TOX: variants seen among roughly 807,000 people sequenced by gnomAD.
The protein encoded by TOX is thymocyte selection-associated high mobility group box protein TOX.
Under a neutral mutation model 53.7 loss-of-function variants are expected in TOX, and 11 were observed. The observed-to-expected ratio is 0.20, with a 90% CI of 0.13 to 0.34. The LOEUF is 0.34. Among genes scored for constraint, TOX ranks in the 10% least tolerant of loss-of-function variants. The pLI is 1.00. For missense variants in TOX, 570 were observed against 664.6 expected, an observed-to-expected ratio of 0.86 and a Z score of 1.56; for synonymous variants, 225 against 245.3, an observed-to-expected ratio of 0.92 and a Z score of 0.77.
chr8:58,853,118 C>T (rs918062146), intron 3 of TOX, among the ~76,000 whole-genome samples: 1 of 152,160 alleles, frequency 6.6e-6, no homozygotes, highest in Non-Finnish European at 1.5e-5. Flanking sequence ...CTCCGGAACG[C>T]ATTTACTGCC....
rs201625696 is a variant in TOX, at chr8:59,092,265, T to TTATATATATA, written c.102+26611_102+26620dup. Among the ~76,000 whole-genome samples, 152 of 89,898 alleles carry TTATATATATA rather than the reference T, an allele frequency of 1.7e-3. 6 individuals are homozygous for TTATATATATA. Among genetic ancestry groups the TTATATATATA allele is most frequent in the East Asian group, 0.013 (49 of 3,754 alleles). The allele number at this position is 89,898 out of a possible 152,430, so 59.0% of individuals were successfully genotyped here. A position where few individuals can be genotyped will look rare whatever the true frequency, so the allele number is the denominator to read the frequency against. On this transcript the variant is annotated intron_variant, in intron 1 of 8. Transcript: ENST00000361421. ...AGACTCCATCTCATATATATATATT[T>TTATATATATA]TATATATATATATATATTATATATA... is the stretch of plus-strand genomic sequence containing the variant.
At chr8:58,859,047 C>T (rs1008353676) in intron 3 of TOX, among the ~76,000 whole-genome samples, 19 of 152,060 alleles carry the variant, frequency 1.2e-4, no homozygotes, top group African/African-American at 4.1e-4. Flanking sequence ...TATTATTTTC[C>T]TAAATGCATT....
chr8:58,913,524 C>G (rs1039867854), intron 3 of TOX, among the ~76,000 whole-genome samples: 1 of 152,130 alleles, frequency 6.6e-6, no homozygotes, highest in Non-Finnish European at 1.5e-5. Context: ...TGCTTGTTTT[C>G]CATTTTCTCT....
chr8:59,042,962 T>C (rs1392648016), intron 1 of TOX, among the ~76,000 whole-genome samples: 5 of 152,174 alleles, frequency 3.3e-5, no homozygotes, highest in African/African-American at 1.2e-4. Context: ...TTAAATGTAT[T>C]CTCAACAATT....
chr8:58,959,662 A>G (rs1259611472), intron 2 of TOX, among the ~76,000 whole-genome samples: 1 of 152,204 alleles, frequency 6.6e-6, no homozygotes, highest in Non-Finnish European at 1.5e-5. Flanking sequence ...TAAAGACTTT[A>G]TTTCCTAAAG....
chr8:58,920,973 C>A (rs1284338959), intron 3 of TOX, among the ~76,000 whole-genome samples: 2 of 152,096 alleles, frequency 1.3e-5, no homozygotes, highest in Admixed American at 6.5e-5. Context: ...AAATATGCAT[C>A]TATGACTCAT....
intron 3 of TOX, among the ~76,000 whole-genome samples, chr8:58,906,369 C>T (rs1022192751): frequency 1.3e-5 from 2 of 152,240 alleles, no homozygotes; most frequent in African/African-American, 4.8e-5. Context: ...AATAACATTT[C>T]TGCAAATAGA....
Position 58,912,974 on chromosome 8 carries a change from A to G in TOX, c.411+26328T>C, listed in dbSNP as rs548173521. Among the ~76,000 whole-genome samples, 6 of 152,288 alleles carry G rather than the reference A, an allele frequency of 3.9e-5. No homozygotes were observed. The South Asian group carries it at 1.2e-3, about 32-fold the overall frequency. ...TCATGTCTCCTTTGATTGATGACAA[A>G]TTTTCCACTGTCCTTACTAACAAAT... On this transcript the variant is annotated intron_variant, in intron 3 of 8. Coordinates refer to ENST00000361421, the MANE Select transcript of TOX (RefSeq NM_014729.3).
At chr8:58,942,448 A>C (rs191210327) in intron 2 of TOX, among the ~76,000 whole-genome samples, 372 of 152,280 alleles carry the variant, frequency 2.4e-3, no homozygotes, top group Non-Finnish European at 1.8e-3. Flanking sequence ...TTAACTACTA[A>C]GGTTACTTAG....
At position 58,815,299 on chromosome 8, in the gene TOX, T is replaced by A. The variant is rs746812674; in HGVS notation, c.1392+39A>T. The A allele has an allele frequency of 8.4e-6, 13 of 1,541,926 alleles. No homozygotes were observed. In the South Asian group the frequency reaches 1.6e-4, roughly 20 times the overall value. Reference sequence around the variant, plus strand: ...CCACCTCCACCACCACACTTCAGAATAGGGGTGCACACTCTAAGTCCAGAG... The same window carrying A: ...CCACCTCCACCACCACACTTCAGAAAAGGGGTGCACACTCTAAGTCCAGAG... On this transcript the variant is annotated intron_variant, in intron 7 of 8. Transcript: ENST00000361421.
At chr8:59,113,499 T>A (rs1805054244) in intron 1 of TOX, among the ~76,000 whole-genome samples, 1 of 151,828 alleles carries the variant, frequency 6.6e-6, no homozygotes, top group Admixed American at 6.6e-5. Context: ...AGATTCCAAA[T>A]AGAAAATGGA....
chr8:58,876,899 C>T (rs1217627058), intron 3 of TOX, among the ~76,000 whole-genome samples: 1 of 152,174 alleles, frequency 6.6e-6, no homozygotes. Context: ...TACTTTCAGA[C>T]ATTCTGAGAA....
intron 3 of TOX, among the ~76,000 whole-genome samples, chr8:58,927,832 C>T (rs775259072): frequency 5.3e-5 from 8 of 152,076 alleles, no homozygotes; most frequent in East Asian, 1.9e-4. Flanking sequence ...ACCACCAGCA[C>T]GAAAACTGAG....
chr8:58,897,991 C>G (rs575010986), intron 3 of TOX, among the ~76,000 whole-genome samples: 1 of 152,056 alleles, frequency 6.6e-6, no homozygotes, highest in African/African-American at 2.4e-5. Flanking sequence ...TAATTGGGTT[C>G]TAAACTATAG....
At chr8:59,046,346 C>A (rs761638203) in intron 1 of TOX, among the ~76,000 whole-genome samples, 15 of 152,174 alleles carry the variant, frequency 9.9e-5, no homozygotes, top group Middle Eastern at 3.4e-3. Context: ...ATTTAAAAAT[C>A]CCTGTTATTC....
chr8:58,966,548 C>T lies in TOX; in HGVS notation c.103-6540G>A, dbSNP rs1450735082. Among the ~76,000 whole-genome samples the T allele has an allele frequency of 3.9e-5, 6 of 152,054 alleles. No homozygotes were observed. The East Asian group carries it at 7.7e-4, about 20-fold the overall frequency. On this transcript the variant is annotated intron_variant, in intron 1 of 8. Coordinates refer to ENST00000361421, the MANE Select transcript of TOX (RefSeq NM_014729.3). Reference sequence around the variant, plus strand: ...CTTGGAAGACTTGGCCACGGGTGGGCAAAAGATAGTGCTAGACCCACAACT... The same window carrying T: ...CTTGGAAGACTTGGCCACGGGTGGGTAAAAGATAGTGCTAGACCCACAACT...
intron 3 of TOX, among the ~76,000 whole-genome samples, chr8:58,909,276 G>C (rs1400435784): frequency 6.6e-6 from 1 of 152,088 alleles, no homozygotes; most frequent in Non-Finnish European, 1.5e-5. Context: ...GGGTTGATAG[G>C]TGCAGCAAAC....
At chr8:58,858,051 T>C (rs1174096769) in intron 3 of TOX, among the ~76,000 whole-genome samples, 10 of 152,198 alleles carry the variant, frequency 6.6e-5, no homozygotes, top group Non-Finnish European at 2.9e-5. Flanking sequence ...ATTACAGGCG[T>C]GAGCCACTGT....
chr8:58,995,616 C>CT (rs1563412409), intron 1 of TOX, among the ~76,000 whole-genome samples: 1 of 152,044 alleles, frequency 6.6e-6, no homozygotes, highest in Non-Finnish European at 1.5e-5. Flanking sequence ...ATGATTTGAA[C>CT]AATAAAGTGA....
Sources: gnomAD v4.1 joint callset for allele counts (sites outside exome capture counted in the v4.1 genomes callset) on GRCh38, gnomAD v4.1.1 for gene constraint, MANE v1.5 for transcripts, NCBI Gene and HGNC (gene_info 2026-07-23, HGNC 2026-07-21) for gene names.